Variants in MYT1L observed in about 807,000 individuals in gnomAD.
The protein encoded by MYT1L is myelin transcription factor 1-like protein.
In MYT1L, 12 loss-of-function variants were observed where a neutral mutation model predicts 126.7. That is an observed-to-expected ratio of 0.09 (90% confidence interval 0.06 to 0.15). The LOEUF (loss-of-function observed/expected upper bound fraction) is 0.15. Ranked by LOEUF, MYT1L falls within the 10% of genes least tolerant of loss-of-function variation. MYT1L has a pLI of 1.00. For synonymous variants in MYT1L, 541 were observed against 604.2 expected (o/e 0.90, Z 1.53); for missense variants, 979 against 1,585.2 (o/e 0.62, Z 6.49).
chr2:1,826,157 C>G (rs934575720), intron 21 of MYT1L: 2 of 152,386 alleles, frequency 1.3e-5, no homozygotes, highest in Non-Finnish European at 2.9e-5. Flanking sequence ...CTTAGGCCAG[C>G]CTGGGCTTCC....
chr2:1,981,593 C>T (rs995540568), intron 5 of MYT1L, among the ~76,000 whole-genome samples: 8 of 152,182 alleles, frequency 5.3e-5, no homozygotes, highest in East Asian at 1.9e-4. Context: ...GTGCAGACGA[C>T]GGGCCTGAGC....
intron 3 of MYT1L, among the ~76,000 whole-genome samples, chr2:2,121,552 T>C (rs2081017090): frequency 6.6e-6 from 1 of 151,140 alleles, no homozygotes. Flanking sequence ...AGTGGCGTGA[T>C]CTTGGCTCAC....
At chr2:2,214,606 G>C (rs1465272891) in intron 2 of MYT1L, among the ~76,000 whole-genome samples, 1 of 152,084 alleles carries the variant, frequency 6.6e-6, no homozygotes, top group East Asian at 1.9e-4. Flanking sequence ...TTACCCTAAA[G>C]TTCTTTGTCC....
intron 4 of MYT1L, among the ~76,000 whole-genome samples, chr2:2,008,271 G>A (rs1655442788): frequency 6.6e-6 from 1 of 152,206 alleles, no homozygotes; most frequent in Non-Finnish European, 1.5e-5. Flanking sequence ...CCTTCCATGA[G>A]GTTGATTTGA....
intron 4 of MYT1L, among the ~76,000 whole-genome samples, chr2:2,029,469 G>T (rs2065992053): frequency 6.6e-6 from 1 of 152,178 alleles, no homozygotes; most frequent in Non-Finnish European, 1.5e-5. Flanking sequence ...GATCTCATGA[G>T]AGTTATTCAC....
At position 2,273,588 on chromosome 2, in the gene MYT1L, T is replaced by C. The variant is rs1372835821; in HGVS notation, c.-421+10816A>G. 2.0e-5 allele frequency among the ~76,000 whole-genome samples: 3 copies of C among 152,044 alleles called. No homozygotes were observed. The East Asian group carries it at 5.8e-4, about 29-fold the overall frequency. The stretch of plus-strand genomic sequence containing the variant: ...GGAAGCCACTCAGAGCATAGGGCAG[T>C]CAGGGCCTGTAGGCAGTGCCTGGAC... On this transcript the variant is annotated intron_variant, in intron 2 of 24. Transcript: ENST00000647738.
chr2:2,234,528 G>C (rs2094236960), intron 2 of MYT1L, among the ~76,000 whole-genome samples: 1 of 152,178 alleles, frequency 6.6e-6, no homozygotes, highest in Non-Finnish European at 1.5e-5. Flanking sequence ...GAAGGTTACA[G>C]ACAAAGACAA....
chr2:2,160,804 A>G (rs973070173), intron 3 of MYT1L, among the ~76,000 whole-genome samples: 1 of 152,224 alleles, frequency 6.6e-6, no homozygotes, highest in Non-Finnish European at 1.5e-5. Context: ...TATTCAAGAA[A>G]TAAGTCACAA....
chr2:1,947,697 G>C (rs773334405), intron 8 of MYT1L, among the ~76,000 whole-genome samples: 39 of 152,352 alleles, frequency 2.6e-4, no homozygotes, highest in Non-Finnish European at 5.3e-4. Context: ...TGGGAAGGTA[G>C]TGGAGGAAGA....
intron 4 of MYT1L, among the ~76,000 whole-genome samples, chr2:2,017,672 G>C (rs1247287118): frequency 1.3e-5 from 2 of 152,128 alleles, no homozygotes; most frequent in African/African-American, 4.8e-5. Flanking sequence ...GTATACTTTA[G>C]GTTGCAAAAT....
chr2:2,027,171 C>T (rs1018825909), intron 4 of MYT1L, among the ~76,000 whole-genome samples: 1 of 152,148 alleles, frequency 6.6e-6, no homozygotes, highest in African/African-American at 2.4e-5. Context: ...GTGCAGCTGC[C>T]TCATCTGGGA....
chr2:1,908,571 C>T (rs2051429868), intron 13 of MYT1L, among the ~76,000 whole-genome samples: 1 of 152,214 alleles, frequency 6.6e-6, no homozygotes, highest in Admixed American at 6.5e-5. Context: ...TTCATAAAAG[C>T]CCTCAGCAAC....
At chr2:1,934,003 C>G in intron 9 of MYT1L, among the ~76,000 whole-genome samples, 1 of 115,834 alleles carries the variant, frequency 8.6e-6, no homozygotes, top group South Asian at 3.0e-4. Context: ...GAGATGGAGT[C>G]TTGCTCTGTC....
At chr2:1,951,321 C>T (rs1172974094) in intron 8 of MYT1L, among the ~76,000 whole-genome samples, 2 of 151,148 alleles carry the variant, frequency 1.3e-5, no homozygotes, top group African/African-American at 2.4e-5. Flanking sequence ...GGTTTGGGGA[C>T]TGGGGAGGGA....
intron 17 of MYT1L, 75 bp from the exon 18 acceptor site, chr2:1,886,682 C>T (rs948930477): frequency 2.8e-6 from 3 of 1,071,786 alleles, no homozygotes; most frequent in Non-Finnish European, 3.9e-6. Flanking sequence ...AACATAAAAA[C>T]CGAAATTAAA....
At chr2:1,888,339 C>T (rs962037576) in intron 16 of MYT1L, among the ~76,000 whole-genome samples, 2 of 152,218 alleles carry the variant, frequency 1.3e-5, no homozygotes, top group African/African-American at 4.8e-5. Flanking sequence ...GAAAAAAATA[C>T]TTAGAAATTT....
intron 5 of MYT1L, among the ~76,000 whole-genome samples, chr2:1,993,101 T>G (rs2149580067): frequency 6.6e-6 from 1 of 152,314 alleles, no homozygotes; most frequent in South Asian, 2.1e-4. Context: ...CTCTGCTCCT[T>G]GAATGCTCGG....
intron 2 of MYT1L, among the ~76,000 whole-genome samples, chr2:2,215,844 T>G (rs1357245203): frequency 2.0e-5 from 3 of 152,068 alleles, no homozygotes; most frequent in Non-Finnish European, 4.4e-5. Flanking sequence ...CCTCCCCAAA[T>G]CTCATGTTGA....
At chr2:2,278,111 G>A (rs2095393267) in intron 2 of MYT1L, among the ~76,000 whole-genome samples, 1 of 152,128 alleles carries the variant, frequency 6.6e-6, no homozygotes. Context: ...AAAAATAAAA[G>A]CTTTTACTTT....
Sources: gnomAD v4.1 joint callset for allele counts (sites outside exome capture counted in the v4.1 genomes callset) on GRCh38, gnomAD v4.1.1 for gene constraint, MANE v1.5 for transcripts, NCBI Gene and HGNC (gene_info 2026-07-23, HGNC 2026-07-21) for gene names.